The following RPRD2 variants were observed in gnomAD, a reference collection of about 807,000 sequenced individuals.
RPRD2 encodes regulation of nuclear pre-mRNA domain-containing protein 2.
In RPRD2, 12 loss-of-function variants were observed where a neutral mutation model predicts 104.4. The observed-to-expected ratio is 0.11, with a 90% CI of 0.07 to 0.19. The LOEUF (loss-of-function observed/expected upper bound fraction) is 0.19. RPRD2 is among the 10% of genes least tolerant of loss of function. The probability of loss-of-function intolerance (pLI) is 1.00; values close to 1 mark genes in which losing one functional copy is unlikely to be tolerated. For synonymous variants in RPRD2, 714 were observed against 684.9 expected, an observed-to-expected ratio of 1.04 and a Z score of -0.66; for missense variants, 1,543 against 1,790.1, an observed-to-expected ratio of 0.86 and a Z score of 2.49.
intron 2 of RPRD2, among the ~76,000 whole-genome samples, chr1:150,439,626 G>T: frequency 9.4e-6 from 1 of 106,350 alleles, no homozygotes; most frequent in Non-Finnish European, 2.0e-5. Context: ...GTTTGACATA[G>T]CTTTTTTTTT....
At chr1:150,467,610 G>A (rs371237049) in intron 10 of RPRD2, among the ~76,000 whole-genome samples, 28 of 152,132 alleles carry the variant, frequency 1.8e-4, no homozygotes, top group African/African-American at 5.5e-4. Flanking sequence ...CTGACCTCAC[G>A]TGATCCACCT....
intron 1 of RPRD2, among the ~76,000 whole-genome samples, chr1:150,398,257 C>T (rs182864819): frequency 0.015 from 2,257 of 151,456 alleles, 62 homozygotes; most frequent in African/African-American, 0.05. Context: ...AGTGCAGTGG[C>T]GCGATCTCGG....
chr1:150,473,195 G>T lies in RPRD2; in HGVS notation c.4247G>T (p.Ser1416Ile). Residue 1416 changes from serine to isoleucine, a missense_variant, in exon 11 of 11, where the codon AGT (serine) becomes ATT (isoleucine). Ser to Ile is a moderately radical substitution (Grantham distance 142). Around this residue, in one of 4 missense-constraint regions of RPRD2, gnomAD observed 880 missense variants for 885.6 expected, o/e 0.99. Transcript: ENST00000369068. The stretch of plus-strand genomic sequence containing the variant: ...AGCCGGAGTGGTATAATCTTACGGA[G>T]TCCCCGGCCAGACTTTCGGCCTAGG... ...TISRSGIILR[S>I]PRPDFRPREP... 1 of 1,614,022 alleles carries T rather than the reference G, an allele frequency of 6.2e-7. No individual in the cohort carries two copies. Among genetic ancestry groups the T allele is most frequent in the Non-Finnish European group, 8.5e-7 (1 of 1,179,888 alleles).
rs1433089863 is a variant in RPRD2 at position 150,471,266 on chromosome 1, G to A, written c.2318G>A (p.Gly773Glu). ...TPSSTRSPPP[G>E]RDESYPRELS... The stretch of plus-strand genomic sequence containing the variant: ...AGCAGTACAAGATCACCACCCCCTG[G>A]GAGAGATGAAAGCTACCCCCGAGAG... The change falls in exon 11 of 11, where the codon GGG (glycine) becomes GAG (glutamate). Residue 773 changes from glycine to glutamate, a missense_variant. Gly to Glu is a moderately conservative substitution (Grantham distance 98). Around this residue, in one of 4 missense-constraint regions of RPRD2, gnomAD observed 880 missense variants for 885.6 expected, o/e 0.99. Coordinates refer to ENST00000369068, the MANE Select transcript of RPRD2 (RefSeq NM_015203.5). The surrounding 1 kb of genome is among the most constrained non-coding windows in gnomAD (Gnocchi z 5.3). The A allele has an allele frequency of 6.2e-7, 1 of 1,612,406 alleles. No homozygotes were observed. Among genetic ancestry groups the A allele is most frequent in the South Asian group, 1.1e-5 (1 of 90,928 alleles).
chr1:150,388,343 TAC>T (rs34853478), intron 1 of RPRD2, among the ~76,000 whole-genome samples: 16,826 of 147,710 alleles, frequency 0.11, 1,283 homozygotes, highest in African/African-American at 0.21. Context: ...CATGTGTATA[TAC>T]ACACACATAT....
At chr1:150,415,185 G>T (rs1447159651) in intron 1 of RPRD2, among the ~76,000 whole-genome samples, 1 of 152,020 alleles carries the variant, frequency 6.6e-6, no homozygotes, top group Non-Finnish European at 1.5e-5. Context: ...AAAAAAATTA[G>T]CTGGGCTTGG....
intron 2 of RPRD2, among the ~76,000 whole-genome samples, chr1:150,436,231 T>C (rs1343269994): frequency 1.3e-5 from 2 of 152,186 alleles, no homozygotes; most frequent in Admixed American, 1.3e-4. Context: ...TTGATGTTAT[T>C]TTCTTGCTTG....
At chr1:150,464,430 C>T (rs1570793963) in intron 9 of RPRD2, 97 bp from the exon 10 acceptor site, 1 of 816,232 alleles carries the variant, frequency 1.2e-6, no homozygotes, top group Non-Finnish European at 1.9e-6. Flanking sequence ...CAGAAGAATT[C>T]CTGTTAAATA....
intron 1 of RPRD2, among the ~76,000 whole-genome samples, chr1:150,392,044 A>G (rs1049585280): frequency 2.0e-5 from 3 of 151,788 alleles, no homozygotes; most frequent in African/African-American, 7.3e-5. Flanking sequence ...CTAAAAATTG[A>G]AAAAAATTAG....
intron 1 of RPRD2, among the ~76,000 whole-genome samples, chr1:150,399,245 C>T (rs587682826): frequency 2.0e-4 from 30 of 152,200 alleles, no homozygotes; most frequent in Non-Finnish European, 4.4e-4. Context: ...CTCAAGCAAT[C>T]CTCCCACCTT....
chr1:150,439,970 CT>C (rs782612215), intron 2 of RPRD2, among the ~76,000 whole-genome samples: 73 of 147,422 alleles, frequency 5.0e-4, no homozygotes, highest in Admixed American at 6.8e-4. Context: ...TACTTTAACA[CT>C]TTTTTTTTTT....
intron 1 of RPRD2, among the ~76,000 whole-genome samples, chr1:150,386,194 G>A (rs1171215539): frequency 2.0e-5 from 3 of 151,968 alleles, no homozygotes; most frequent in East Asian, 1.9e-4. Context: ...GGCTGGTCTC[G>A]AACTCCTGGG....
chr1:150,395,243 G>A (rs1246355729), intron 1 of RPRD2, among the ~76,000 whole-genome samples: 2 of 152,190 alleles, frequency 1.3e-5, no homozygotes, highest in Admixed American at 1.3e-4. Flanking sequence ...ATATGAGTGA[G>A]AACATATGAT....
At chr1:150,412,350 T>C (rs1054437976) in intron 1 of RPRD2, among the ~76,000 whole-genome samples, 8 of 152,092 alleles carry the variant, frequency 5.3e-5, no homozygotes, top group Admixed American at 2.0e-4. Flanking sequence ...AGAGTTTGCA[T>C]TGAGGAGAAA....
chr1:150,444,365 A>C lies in RPRD2; in HGVS notation c.682A>C (p.Lys228Gln). ...RVDVCSTETLKCLKDKTGGKK... is the reference protein window; with the variant it reads ...RVDVCSTETLQCLKDKTGGKK... ...GGATGTGTGCAGCACAGAAACTCTCAAATGCTTAAAAGGTAATGCTTACAT... is the reference window on the plus strand; with the variant it reads ...GGATGTGTGCAGCACAGAAACTCTCCAATGCTTAAAAGGTAATGCTTACAT... The change falls in exon 6 of 11, where the codon AAA (lysine) becomes CAA (glutamine). Residue 228 changes from lysine to glutamine, a missense_variant. Physicochemically the swap from Lys to Gln is moderately conservative, Grantham distance 53 (BLOSUM62 1). Coordinates refer to ENST00000369068, the MANE Select transcript of RPRD2 (RefSeq NM_015203.5). 1 of 1,612,816 alleles carries C rather than the reference A, an allele frequency of 6.2e-7. No homozygotes were observed. Among genetic ancestry groups the C allele is most frequent in the South Asian group, 1.1e-5 (1 of 90,744 alleles).
chr1:150,372,340 T>C (rs1572340124), intron 1 of RPRD2, among the ~76,000 whole-genome samples: 1 of 152,084 alleles, frequency 6.6e-6, no homozygotes, highest in African/African-American at 2.4e-5. Flanking sequence ...GAGCTTAAAA[T>C]TTAGCCGGGC....
intron 7 of RPRD2, among the ~76,000 whole-genome samples, chr1:150,454,364 A>G (rs1343858214): frequency 1.3e-5 from 2 of 152,048 alleles, no homozygotes; most frequent in African/African-American, 2.4e-5. Context: ...TTAGCTCTCC[A>G]TGCTTTCCCT....
At chr1:150,450,738 A>C (rs1436169255) in intron 7 of RPRD2, among the ~76,000 whole-genome samples, 1 of 151,354 alleles carries the variant, frequency 6.6e-6, no homozygotes, top group African/African-American at 2.4e-5. Context: ...CTTCTGCCTC[A>C]GCCTCCCGAA....
chr1:150,364,750 C>T lies in RPRD2; in HGVS notation c.36C>T (p.Ala12=), dbSNP rs1395750948. The change falls in exon 1 of 11, where the codon GCC becomes GCT. Residue 12 remains alanine (A), a synonymous_variant. Coordinates refer to ENST00000369068, the MANE Select transcript of RPRD2 (RefSeq NM_015203.5). ...AAGGGGGSSK[A]SSSSASSAGA... is the part of the protein sequence containing the mutation. ...GCGGCGGCGGAGGCAGCAGTAAGGC[C>T]TCCTCCTCGTCGGCCTCTTCGGCAG... 9 of 1,596,870 alleles carry T rather than the reference C, an allele frequency of 5.6e-6. No homozygotes were observed. The highest frequency in any genetic ancestry group is 6.8e-6 in the Non-Finnish European group (8 of 1,171,474).
Sources: allele counts gnomAD v4.1 joint callset (sites outside exome capture counted in the v4.1 genomes callset), GRCh38; gene constraint gnomAD v4.1.1; regional missense constraint gnomAD v4.1.1; non-coding constraint Gnocchi (gnomAD v3.1); transcripts MANE v1.5; gene names NCBI Gene and HGNC (gene_info 2026-07-23, HGNC 2026-07-21).